The following SAE1 variants were observed in gnomAD, a reference collection of about 807,000 sequenced individuals.
SAE1 encodes SUMO1 activating enzyme subunit 1.
SAE1 carries 11 observed loss-of-function variants against 40.6 expected under a neutral mutation model. That is an observed-to-expected ratio of 0.27 (90% CI 0.17 to 0.45). SAE1 has a LOEUF of 0.45. Ranked by LOEUF, SAE1 falls within the 20% of genes least tolerant of loss-of-function variation. The probability of loss-of-function intolerance (pLI) is 1.00; values close to 1 mark genes in which losing one functional copy is unlikely to be tolerated. For missense variants in SAE1, 373 were observed against 427.3 expected (o/e 0.87, Z 1.12); for synonymous variants, 155 against 154.3 (o/e 1.00, Z -0.03).
intron 7 of SAE1, among the ~76,000 whole-genome samples, chr19:47,198,483 T>C (rs1328864878): frequency 6.6e-6 from 1 of 152,096 alleles, no homozygotes. Context: ...TTGAGAGGCT[T>C]CCTAAACTCG....
intron 6 of SAE1, among the ~76,000 whole-genome samples, chr19:47,193,057 C>CTTT (rs869046931): frequency 1.5e-5 from 2 of 137,022 alleles, no homozygotes; most frequent in South Asian, 2.3e-4. Flanking sequence ...TGGTCACAGC[C>CTTT]TTTTTTTTTT....
intron 6 of SAE1, among the ~76,000 whole-genome samples, chr19:47,185,506 G>A (rs767428204): frequency 1.3e-5 from 2 of 151,434 alleles, no homozygotes; most frequent in African/African-American, 4.9e-5. Flanking sequence ...AGGTTTCACC[G>A]TGTTGGCCAG....
chr19:47,132,219 T>TC (rs2058148674), intron 1 of SAE1, among the ~76,000 whole-genome samples: 1 of 151,562 alleles, frequency 6.6e-6, no homozygotes. Flanking sequence ...CGCCACAGCC[T>TC]CCCAAAGTGG....
chr19:47,169,307 G>A (rs1413270892), intron 5 of SAE1, among the ~76,000 whole-genome samples: 2 of 151,966 alleles, frequency 1.3e-5, no homozygotes, highest in East Asian at 1.9e-4. Flanking sequence ...GTGCAGTGAC[G>A]CGATCTTGGC....
At chr19:47,167,804 G>T (rs976730651) in intron 5 of SAE1, among the ~76,000 whole-genome samples, 2 of 152,004 alleles carry the variant, frequency 1.3e-5, no homozygotes, top group Non-Finnish European at 2.9e-5. Flanking sequence ...TCTATACCAC[G>T]CCTGGCCTAA....
chr19:47,169,672 C>G (rs1225273819), intron 5 of SAE1, 146 bp from the exon 6 acceptor site: 4 of 661,348 alleles, frequency 6.0e-6, no homozygotes, highest in African/African-American at 3.6e-5. Context: ...GTTCAATAAG[C>G]ATTTCTTGGA....
intron 5 of SAE1, among the ~76,000 whole-genome samples, chr19:47,163,975 G>A (rs1457655953): frequency 6.6e-6 from 1 of 151,480 alleles, no homozygotes; most frequent in Non-Finnish European, 1.5e-5. Context: ...CACCTTGTTC[G>A]CCAGGCTGGT....
At position 47,186,779 on chromosome 19, in the gene SAE1, G is replaced by A. The variant is rs77205258; in HGVS notation, c.734-10454G>A. 3.9e-3 allele frequency among the ~76,000 whole-genome samples: 598 copies of A among 152,256 alleles called. 5 individuals carry two copies. The highest frequency in any genetic ancestry group is 0.014 in the African/African-American group (566 of 41,534). Reference sequence around the variant, plus strand: ...ATAGACTGGGTTTCATTGCAAAGACGAAAGCGTGGGCAGGACTTTTGGAGC... The same window carrying A: ...ATAGACTGGGTTTCATTGCAAAGACAAAAGCGTGGGCAGGACTTTTGGAGC... On this transcript the variant is annotated intron_variant, in intron 6 of 8. Transcript: ENST00000270225.
At chr19:47,199,390 CAAAAAAAAAA>C (rs35275499) in intron 7 of SAE1, among the ~76,000 whole-genome samples, 1 of 56,300 alleles carries the variant, frequency 1.8e-5, no homozygotes, top group Non-Finnish European at 3.5e-5. Flanking sequence ...GACTCCTTCT[CAAAAAAAAAA>C]AAAAAAAAAA....
intron 1 of SAE1, among the ~76,000 whole-genome samples, chr19:47,137,453 A>T (rs2058187603): frequency 6.6e-6 from 1 of 152,174 alleles, no homozygotes; most frequent in African/African-American, 2.4e-5. Flanking sequence ...TTGGTTGCTT[A>T]AATTGAGGCC....
chr19:47,187,068 A>C (rs1187453372), intron 6 of SAE1, among the ~76,000 whole-genome samples: 2 of 152,218 alleles, frequency 1.3e-5, no homozygotes, highest in Non-Finnish European at 2.9e-5. Context: ...GACTGAATAC[A>C]TGCACACACA....
At chr19:47,133,467 C>T (rs1039629365) in intron 1 of SAE1, among the ~76,000 whole-genome samples, 18 of 152,158 alleles carry the variant, frequency 1.2e-4, no homozygotes, top group Admixed American at 3.9e-4. Flanking sequence ...CCTCGTGATC[C>T]GCCTGCCTTG....
In SAE1 at chr19:47,210,170, A is replaced by T. The variant is rs544802586; in HGVS notation, c.*919A>T. On this transcript the variant is annotated 3_prime_UTR_variant, in exon 9 of 9. Coordinates refer to ENST00000270225, the MANE Select transcript of SAE1 (RefSeq NM_005500.3). Reference sequence around the variant, plus strand: ...CCTTGGTTCTTTTTAAAGGAATGATAATAAAGTTACTTGCTTTAGGATTTG... The same window carrying T: ...CCTTGGTTCTTTTTAAAGGAATGATTATAAAGTTACTTGCTTTAGGATTTG... 1 of 152,312 alleles carries T rather than the reference A, an allele frequency of 6.6e-6. No homozygotes were observed. The highest frequency in any genetic ancestry group is 1.5e-5 in the Non-Finnish European group (1 of 68,030). 9.4% of individuals were successfully genotyped at this position (152,312 alleles called of 1,614,324 possible). A position where few individuals can be genotyped will look rare whatever the true frequency, so the allele number is the denominator to read the frequency against.
chr19:47,209,890 G>C lies in SAE1; in HGVS notation c.*639G>C, dbSNP rs1228081280. The C allele has an allele frequency of 6.6e-6, 1 of 152,286 alleles. No individual in the cohort carries two copies. Among genetic ancestry groups the C allele is most frequent in the Non-Finnish European group, 1.5e-5 (1 of 68,122 alleles). The allele number at this position is 152,286 out of a possible 1,614,324, so 9.4% of individuals were successfully genotyped here. On this transcript the variant is annotated 3_prime_UTR_variant, in exon 9 of 9. Coordinates refer to ENST00000270225, the MANE Select transcript of SAE1 (RefSeq NM_005500.3). ...TTTAGGATTAGTTGAGTTCCAGCTG[G>C]GTTTTGGGAGAAAGGAGATGCTACC... is the stretch of plus-strand genomic sequence containing the variant.
At chr19:47,170,580 C>T (rs921634540) in intron 6 of SAE1, among the ~76,000 whole-genome samples, 4 of 132,334 alleles carry the variant, frequency 3.0e-5, no homozygotes, top group Non-Finnish European at 4.6e-5. Flanking sequence ...TATCATGGTT[C>T]ACTGTAGCCT....
chr19:47,152,311 T>C lies in SAE1; in HGVS notation c.385-587T>C, dbSNP rs143620389. On this transcript the variant is annotated intron_variant, in intron 3 of 8. Transcript: ENST00000270225. ...CTGAGTGGATCACCAGTTCATTGTC[T>C]AAGCCTGAATGGAAGGTCACTTGGT... Among the ~76,000 whole-genome samples the C allele has an allele frequency of 2.4e-3, 367 of 152,360 alleles. 2 individuals carry two copies. The highest frequency in any genetic ancestry group is 8.2e-3 in the African/African-American group (342 of 41,592).
intron 3 of SAE1, among the ~76,000 whole-genome samples, chr19:47,151,641 G>T (rs1206080909): frequency 6.6e-6 from 1 of 152,124 alleles, no homozygotes; most frequent in Non-Finnish European, 1.5e-5. Flanking sequence ...TCAAATATGG[G>T]CTTGGAAGGA....
chr19:47,191,698 G>A (rs2058578797), intron 6 of SAE1, among the ~76,000 whole-genome samples: 1 of 152,148 alleles, frequency 6.6e-6, no homozygotes, highest in Non-Finnish European at 1.5e-5. Context: ...GGACCAACAA[G>A]AGGAGGTGAT....
intron 6 of SAE1, among the ~76,000 whole-genome samples, chr19:47,186,649 TCAA>T (rs1207139291): frequency 2.6e-5 from 4 of 152,244 alleles, no homozygotes; most frequent in African/African-American, 9.6e-5. Context: ...CTTTTCCCCA[TCAA>T]CAACTTTCAT....
Sources: allele counts gnomAD v4.1 joint callset (sites outside exome capture counted in the v4.1 genomes callset), GRCh38; gene constraint gnomAD v4.1.1; transcripts MANE v1.5; gene names NCBI Gene and HGNC (gene_info 2026-07-23, HGNC 2026-07-21).